Variants in ARMC9 observed in about 807,000 individuals in gnomAD.
ARMC9 encodes lisH domain-containing protein ARMC9.
In ARMC9, 94 loss-of-function variants were observed where a neutral mutation model predicts 107.0. The observed-to-expected ratio is 0.88, with a 90% CI of 0.74 to 1.04. The LOEUF (loss-of-function observed/expected upper bound fraction) is 1.04. Among genes scored for constraint, ARMC9 ranks in the 50% least tolerant of loss-of-function variants. The probability of loss-of-function intolerance (pLI) is 0.00; values close to 1 mark genes in which losing one functional copy is unlikely to be tolerated. For synonymous variants in ARMC9, 380 were observed against 396.9 expected (o/e 0.96, Z 0.51); for missense variants, 942 against 1,030.1 (o/e 0.91, Z 1.17).
intron 7 of ARMC9, among the ~76,000 whole-genome samples, chr2:231,230,821 A>G (rs1050739074): frequency 2.0e-5 from 3 of 152,202 alleles, no homozygotes; most frequent in Admixed American, 2.0e-4. Context: ...AAATGATATG[A>G]AAAAAAGTCT....
intron 19 of ARMC9, among the ~76,000 whole-genome samples, chr2:231,319,970 G>GATTCCA (rs1165531374): frequency 1.3e-5 from 2 of 152,048 alleles, no homozygotes; most frequent in Non-Finnish European, 2.9e-5. Flanking sequence ...TAATTCCACA[G>GATTCCA]ATGATTCTGT....
intron 1 of ARMC9, among the ~76,000 whole-genome samples, chr2:231,204,928 C>A (rs1391732446): frequency 6.6e-6 from 1 of 151,996 alleles, no homozygotes; most frequent in East Asian, 1.9e-4. Flanking sequence ...GCCTAAGGAG[C>A]CTGGCCTTCA....
chr2:231,328,031 G>C (rs148622588), intron 19 of ARMC9, among the ~76,000 whole-genome samples: 6 of 152,072 alleles, frequency 3.9e-5, no homozygotes, highest in African/African-American at 1.2e-4. Flanking sequence ...TGATTCGCTC[G>C]CCTCGGCTTT....
chr2:231,271,456 TC>T (rs2039323309), intron 13 of ARMC9, among the ~76,000 whole-genome samples: 1 of 152,158 alleles, frequency 6.6e-6, no homozygotes, highest in African/African-American at 2.4e-5. Context: ...CAAAGCAGAC[TC>T]CAATAAACAC....
At chr2:231,364,538 T>A (rs933361893) in intron 23 of ARMC9, among the ~76,000 whole-genome samples, 2 of 152,178 alleles carry the variant, frequency 1.3e-5, no homozygotes, top group African/African-American at 2.4e-5. Flanking sequence ...TGCTCATGCC[T>A]GGAATCCCAG....
At chr2:231,285,798 G>T (rs1243817025) in intron 17 of ARMC9, among the ~76,000 whole-genome samples, 1 of 152,218 alleles carries the variant, frequency 6.6e-6, no homozygotes, top group Admixed American at 6.5e-5. Context: ...TCTAAGGGAT[G>T]ATCATGCCCA....
In ARMC9 at chr2:231,358,484, G is replaced by T. The variant is rs898899430; in HGVS notation, c.2132-2270G>T. 6.6e-6 allele frequency among the ~76,000 whole-genome samples: 1 copy of T among 152,122 alleles called. No homozygotes were observed. The highest frequency in any genetic ancestry group is 1.5e-5 in the Non-Finnish European group (1 of 68,022). On this transcript the variant is annotated intron_variant, in intron 22 of 24. Coordinates refer to ENST00000611582, the MANE Select transcript of ARMC9 (RefSeq NM_001352754.2). The surrounding 1 kb of genome is among the most constrained non-coding windows in gnomAD (Gnocchi z 4.5). ...CCCAAAGTGCTGGGATTACAGGCAT[G>T]GGGCCCCCTCCACTTCCCTTCTCTC...
chr2:231,227,672 G>C (rs1055179050), intron 7 of ARMC9, among the ~76,000 whole-genome samples: 5 of 152,214 alleles, frequency 3.3e-5, no homozygotes, highest in African/African-American at 1.2e-4. Context: ...TTATTTAGCT[G>C]TTTGCTCACC....
Position 231,216,647 on chromosome 2 carries a change from G to A in ARMC9, c.358G>A (p.Glu120Lys), listed in dbSNP as rs1559300086. ...KYSVGRPDKE[E>K]LDEKISYFKT... ...TTTTCCCTTCTTCTAGGACAAAGAG[G>A]AGCTGGATGAAAAGATTTCCTACTT... Residue 120 changes from glutamate (E) to lysine (K), a missense_variant, in exon 5 of 25, where the codon GAG (glutamate) becomes AAG (lysine). Glu to Lys is a moderately conservative substitution (Grantham distance 56). Transcript: ENST00000611582. The A allele has an allele frequency of 6.2e-7, 1 of 1,613,586 alleles. No homozygotes were observed. Among genetic ancestry groups the A allele is most frequent in the Non-Finnish European group, 8.5e-7 (1 of 1,179,724 alleles).
chr2:231,358,747 C>T lies in ARMC9; in HGVS notation c.2132-2007C>T, dbSNP rs1027574058. Among the ~76,000 whole-genome samples, 1 of 152,198 alleles carries T rather than the reference C, an allele frequency of 6.6e-6. No homozygotes were observed. On this transcript the variant is annotated intron_variant, in intron 22 of 24. Transcript: ENST00000611582. The surrounding 1 kb of genome is among the most constrained non-coding windows in gnomAD (Gnocchi z 4.5). ...CTGTTGGACCCTCAAACTGCTTGAT[C>T]GGTTGAGTGCAGGCCCAGAAAGTAC...
In ARMC9 at chr2:231,326,018, C is replaced by T. The variant is rs145429981; in HGVS notation, c.1774-5775C>T. Among the ~76,000 whole-genome samples the T allele has an allele frequency of 2.5e-3, 379 of 152,286 alleles. 1 individual carries two copies. Among genetic ancestry groups the T allele is most frequent in the Non-Finnish European group, 3.8e-3 (259 of 68,034 alleles). ...GAGAAGGGGAGAGAGAGGGACGAGA[C>T]CCTGAACTTCAGATGCCACTATAGC... is the stretch of plus-strand genomic sequence containing the variant. On this transcript the variant is annotated intron_variant, in intron 19 of 24. Transcript: ENST00000611582.
chr2:231,207,108 A>AATC, intron 2 of ARMC9, among the ~76,000 whole-genome samples: 1 of 152,224 alleles, frequency 6.6e-6, no homozygotes, highest in South Asian at 2.1e-4. Flanking sequence ...GGGCTCAAGC[A>AATC]ATCTGCCTGC....
rs917736373 is a variant in ARMC9 at position 231,376,429 on chromosome 2, C to T, written c.*4894C>T. On this transcript the variant is annotated 3_prime_UTR_variant, in exon 25 of 25. Coordinates refer to ENST00000611582, the MANE Select transcript of ARMC9 (RefSeq NM_001352754.2). Reference sequence around the variant, plus strand: ...GGTCTCTGAACTGGCCCCCCTCCCCCGGGGGCGTGGTCGTCTCTTATGGTC... The same window carrying T: ...GGTCTCTGAACTGGCCCCCCTCCCCTGGGGGCGTGGTCGTCTCTTATGGTC... 2.6e-5 allele frequency among the ~76,000 whole-genome samples: 4 copies of T among 152,170 alleles called. No homozygotes were observed. Among genetic ancestry groups the T allele is most frequent in the South Asian group, 2.1e-4 (1 of 4,806 alleles).
In ARMC9 at chr2:231,328,799, ATTTTC is replaced by A. The variant is rs932481522; in HGVS notation, c.1774-2974_1774-2970del. 1.5e-4 allele frequency among the ~76,000 whole-genome samples: 18 copies of A among 121,964 alleles called. 1 individual carries two copies. Among genetic ancestry groups the A allele is most frequent in the African/African-American group, 4.1e-4 (14 of 33,938 alleles). The allele number at this position is 121,964 out of a possible 152,430, so 80.0% of individuals were successfully genotyped here. A position where few individuals can be genotyped will look rare whatever the true frequency, so the allele number is the denominator to read the frequency against. Reference sequence around the variant, plus strand: ...TTTCAAAGTTGTCTTAGCGTGTTCAATTTTCTTTTCTTTTCTTTTCTTTTTTTTTT... The same window carrying A: ...TTTCAAAGTTGTCTTAGCGTGTTCAATTTTCTTTTCTTTTCTTTTTTTTTT... On this transcript the variant is annotated intron_variant, in intron 19 of 24. Transcript: ENST00000611582.
chr2:231,363,397 GACT>G (rs1559507001), intron 23 of ARMC9, among the ~76,000 whole-genome samples: 1 of 152,124 alleles, frequency 6.6e-6, no homozygotes, highest in East Asian at 1.9e-4. Flanking sequence ...GTCAGTGGTA[GACT>G]GAATGATGGC....
chr2:231,329,768 A>G (rs964957524), intron 19 of ARMC9, among the ~76,000 whole-genome samples: 3 of 152,130 alleles, frequency 2.0e-5, no homozygotes, highest in Non-Finnish European at 2.9e-5. Context: ...AATTGATTTT[A>G]TATGTCTTTC....
intron 23 of ARMC9, among the ~76,000 whole-genome samples, chr2:231,368,965 AAG>A (rs1417435790): frequency 1.3e-5 from 2 of 152,236 alleles, no homozygotes; most frequent in Non-Finnish European, 2.9e-5. Flanking sequence ...AATGTAAAAA[AAG>A]GCATATAGAA....
At chr2:231,257,944 G>A (rs938175222) in intron 10 of ARMC9, among the ~76,000 whole-genome samples, 11 of 152,148 alleles carry the variant, frequency 7.2e-5, no homozygotes, top group African/African-American at 2.4e-4. Flanking sequence ...GGAAGCTGAG[G>A]TGATTCCTTT....
At chr2:231,229,833 G>C (rs2035039290) in intron 7 of ARMC9, among the ~76,000 whole-genome samples, 1 of 152,030 alleles carries the variant, frequency 6.6e-6, no homozygotes, top group Non-Finnish European at 1.5e-5. Flanking sequence ...TTTAAAAGTT[G>C]ATCATTTTGT....
Sources: gnomAD v4.1 joint callset for allele counts (sites outside exome capture counted in the v4.1 genomes callset) on GRCh38, gnomAD v4.1.1 for gene constraint, Gnocchi (gnomAD v3.1) non-coding constraint, MANE v1.5 for transcripts, NCBI Gene and HGNC (gene_info 2026-07-23, HGNC 2026-07-21) for gene names.